Variants in CTTNBP2 observed in about 807,000 individuals in gnomAD.
CTTNBP2 encodes the protein cortactin-binding protein 2.
A neutral mutation model predicts 156.9 loss-of-function variants in CTTNBP2; 108 were observed. That is an observed-to-expected ratio of 0.69 (90% confidence interval 0.59 to 0.81). The LOEUF (loss-of-function observed/expected upper bound fraction) is 0.81, where lower values mean the gene tolerates loss of function less well. Among genes scored for constraint, CTTNBP2 ranks in the 30% least tolerant of loss-of-function variants. The probability of loss-of-function intolerance (pLI) is 0.00; values close to 1 mark genes in which losing one functional copy is unlikely to be tolerated. For missense variants in CTTNBP2, 1,924 were observed against 2,035.4 expected, an observed-to-expected ratio of 0.95 and a Z score of 1.05; for synonymous variants, 767 against 751.8, an observed-to-expected ratio of 1.02 and a Z score of -0.33.
intron 3 of CTTNBP2, among the ~76,000 whole-genome samples, chr7:117,810,414 T>A (rs963578541): frequency 6.6e-6 from 1 of 151,986 alleles, no homozygotes; most frequent in Non-Finnish European, 1.5e-5. Flanking sequence ...GATCAAAGAG[T>A]CCTGGTTGCA....
chr7:117,780,291 T>C (rs1349099808), intron 7 of CTTNBP2, 150 bp downstream of exon 7: 2 of 494,368 alleles, frequency 4.0e-6, no homozygotes, highest in Non-Finnish European at 6.9e-6. Context: ...GGGAAAGAGA[T>C]TCAAACAAGG....
At chr7:117,780,068 GC>G (rs1166649375) in intron 7 of CTTNBP2, among the ~76,000 whole-genome samples, 2 of 152,158 alleles carry the variant, frequency 1.3e-5, no homozygotes, top group African/African-American at 4.8e-5. Flanking sequence ...CCACATCTCT[GC>G]TTATATTATT....
intron 22 of CTTNBP2, among the ~76,000 whole-genome samples, chr7:117,717,015 T>A (rs80346275): frequency 6.6e-6 from 1 of 152,042 alleles, no homozygotes; most frequent in Non-Finnish European, 1.5e-5. Context: ...TGGCTTACAA[T>A]CAATCAACAT....
intron 2 of CTTNBP2, among the ~76,000 whole-genome samples, chr7:117,850,139 CCT>C (rs1364339132): frequency 6.6e-6 from 1 of 152,186 alleles, no homozygotes; most frequent in Non-Finnish European, 1.5e-5. Flanking sequence ...ACATTTCTCC[CCT>C]GTCAGGTTTA....
intron 12 of CTTNBP2, among the ~76,000 whole-genome samples, chr7:117,749,000 G>T (rs1203138346): frequency 6.6e-6 from 1 of 152,166 alleles, no homozygotes; most frequent in South Asian, 2.1e-4. Context: ...CACTGAATCT[G>T]CTGGCCCCCT....
At chr7:117,811,277 T>G (rs1029108906) in intron 2 of CTTNBP2, among the ~76,000 whole-genome samples, 1 of 152,138 alleles carries the variant, frequency 6.6e-6, no homozygotes, top group Non-Finnish European at 1.5e-5. Context: ...GATCAGAATT[T>G]AAGCAGCAGT....
chr7:117,822,818 T>C (rs1044265697), intron 2 of CTTNBP2, among the ~76,000 whole-genome samples: 5 of 152,216 alleles, frequency 3.3e-5, no homozygotes, highest in African/African-American at 7.2e-5. Context: ...GTTTTCTGCA[T>C]TGTTGGATCT....
At chr7:117,725,739 G>C (rs778743396) in intron 17 of CTTNBP2, among the ~76,000 whole-genome samples, 15 of 152,024 alleles carry the variant, frequency 9.9e-5, no homozygotes, top group Non-Finnish European at 1.9e-4. Flanking sequence ...CCAGGCTGGA[G>C]TGCCAAGGCG....
chr7:117,790,451 G>A lies in CTTNBP2; in HGVS notation c.2068+677C>T, dbSNP rs560550939. ...TGACTTCATAAGCCACACCTGCAGTGGAAACCTTCTGTGACATAGCCCACA... is the reference window on the plus strand; with the variant it reads ...TGACTTCATAAGCCACACCTGCAGTAGAAACCTTCTGTGACATAGCCCACA... On this transcript the variant is annotated intron_variant, in intron 4 of 22. Transcript: ENST00000160373. Among the ~76,000 whole-genome samples the A allele has an allele frequency of 3.3e-4, 50 of 152,284 alleles. No homozygotes were observed. In the South Asian group the frequency reaches 0.01, roughly 31 times the overall value.
In CTTNBP2 at chr7:117,848,574, C is replaced by G. The variant is rs190007913; in HGVS notation, c.189+12635G>C. ...TTTCTCTTCCCTGAGGAAGTAATTGCTACAGCTTTTTTCTACCTTATAAAC... is the reference window on the plus strand; with the variant it reads ...TTTCTCTTCCCTGAGGAAGTAATTGGTACAGCTTTTTTCTACCTTATAAAC... On this transcript the variant is annotated intron_variant, in intron 2 of 22. Coordinates refer to ENST00000160373, the MANE Select transcript of CTTNBP2 (RefSeq NM_033427.3). 2.2e-4 allele frequency among the ~76,000 whole-genome samples: 34 copies of G among 152,292 alleles called. 1 individual carries two copies. The highest frequency in any genetic ancestry group is 1.8e-3 in the Admixed American group (27 of 15,300).
chr7:117,740,444 A>T (rs1239587004), intron 14 of CTTNBP2, among the ~76,000 whole-genome samples: 1 of 152,180 alleles, frequency 6.6e-6, no homozygotes, highest in African/African-American at 2.4e-5. Context: ...ACAGAAGTTC[A>T]GCATTCTCAC....
At chr7:117,734,242 A>G (rs895891560) in intron 16 of CTTNBP2, among the ~76,000 whole-genome samples, 4 of 152,230 alleles carry the variant, frequency 2.6e-5, no homozygotes, top group African/African-American at 9.6e-5. Flanking sequence ...TCCTGCAATA[A>G]TGCAATGACA....
At chr7:117,838,672 G>A (rs1802095108) in intron 2 of CTTNBP2, among the ~76,000 whole-genome samples, 2 of 152,034 alleles carry the variant, frequency 1.3e-5, no homozygotes, top group South Asian at 4.2e-4. Flanking sequence ...GGAGACAGAC[G>A]AATCTCCATT....
intron 20 of CTTNBP2, among the ~76,000 whole-genome samples, chr7:117,720,234 A>G (rs929254834): frequency 3.3e-5 from 5 of 152,120 alleles, no homozygotes; most frequent in Admixed American, 2.6e-4. Context: ...ACCAGCGGAC[A>G]TGATCCTAAA....
rs1180344313 is a variant in CTTNBP2, at chr7:117,829,056, G to T, written c.190-18067C>A. Among the ~76,000 whole-genome samples, 4 of 152,154 alleles carry T rather than the reference G, an allele frequency of 2.6e-5. No homozygotes were observed. The East Asian group carries it at 5.8e-4, about 22-fold the overall frequency. On this transcript the variant is annotated intron_variant, in intron 2 of 22. Transcript: ENST00000160373. ...ATATATTTAAAATCTATTCTTGTAG[G>T]AATCTGTTTTCTCTTCTCCAAGCTA... is the stretch of plus-strand genomic sequence containing the variant.
intron 17 of CTTNBP2, 97 bp downstream of exon 17, chr7:117,727,992 G>T: frequency 9.4e-7 from 1 of 1,066,136 alleles, no homozygotes; most frequent in Non-Finnish European, 1.4e-6. Context: ...GTGACAGGAG[G>T]TGGCACAAGG....
chr7:117,711,861 A>G (rs1794077892), intron 22 of CTTNBP2, 79 bp from the exon 23 acceptor site: 17 of 1,393,760 alleles, frequency 1.2e-5, no homozygotes, highest in Non-Finnish European at 1.5e-5. Flanking sequence ...CTCTTTGAGC[A>G]AATGTACAGG....
chr7:117,806,326 A>G (rs1799938884), intron 3 of CTTNBP2, among the ~76,000 whole-genome samples: 1 of 152,240 alleles, frequency 6.6e-6, no homozygotes, highest in African/African-American at 2.4e-5. Flanking sequence ...TGTAAAGGCA[A>G]TTAGTTCTAA....
intron 1 of CTTNBP2, among the ~76,000 whole-genome samples, chr7:117,870,020 TTC>T (rs1244265945): frequency 6.6e-6 from 1 of 152,208 alleles, no homozygotes; most frequent in Non-Finnish European, 1.5e-5. Flanking sequence ...CAAATCCTCC[TTC>T]AGTCTCAAGG....
Sources: allele counts gnomAD v4.1 joint callset (sites outside exome capture counted in the v4.1 genomes callset), GRCh38; gene constraint gnomAD v4.1.1; transcripts MANE v1.5; gene names NCBI Gene and HGNC (gene_info 2026-07-23, HGNC 2026-07-21).